The following FRMD4A variants were observed in gnomAD, a reference collection of about 807,000 sequenced individuals.
FRMD4A encodes FERM domain-containing protein 4A.
A neutral mutation model predicts 129.1 loss-of-function variants in FRMD4A; 29 were observed. The observed-to-expected ratio is 0.22, with a 90% confidence interval of 0.17 to 0.31. FRMD4A has a LOEUF of 0.31. Among genes scored for constraint, FRMD4A ranks in the 10% least tolerant of loss-of-function variants. FRMD4A has a pLI of 1.00. For missense variants in FRMD4A, 1,272 were observed against 1,375.8 expected (o/e 0.92, Z 1.19); for synonymous variants, 634 against 571.6 (o/e 1.11, Z -1.56).
At chr10:14,112,642 C>T (rs547484580) in intron 2 of FRMD4A, among the ~76,000 whole-genome samples, 1 of 152,194 alleles carries the variant, frequency 6.6e-6, no homozygotes, top group East Asian at 1.9e-4. Flanking sequence ...TCTCCTGCCT[C>T]AGCCTCCAGA....
At chr10:13,913,040 C>T (rs1023823723) in intron 2 of FRMD4A, among the ~76,000 whole-genome samples, 3 of 148,676 alleles carry the variant, frequency 2.0e-5, no homozygotes, top group African/African-American at 5.0e-5. Flanking sequence ...ACCATTGCAC[C>T]GTAGCCTGGG....
intron 5 of FRMD4A, among the ~76,000 whole-genome samples, chr10:13,787,950 C>T (rs2092909267): frequency 6.6e-6 from 1 of 152,018 alleles, no homozygotes; most frequent in Non-Finnish European, 1.5e-5. Flanking sequence ...GTTGCATTTC[C>T]TTAACTACCA....
At chr10:13,944,179 G>A (rs2095314862) in intron 2 of FRMD4A, among the ~76,000 whole-genome samples, 1 of 152,188 alleles carries the variant, frequency 6.6e-6, no homozygotes, top group African/African-American at 2.4e-5. Context: ...GGCGAGCCGT[G>A]AGAGAGTGAA....
chr10:14,252,931 C>A (rs1354885020), intron 2 of FRMD4A, among the ~76,000 whole-genome samples: 2 of 152,174 alleles, frequency 1.3e-5, no homozygotes, highest in African/African-American at 2.4e-5. Flanking sequence ...CTTCTCCATT[C>A]ATTCATTCAT....
chr10:13,707,161 G>A, intron 12 of FRMD4A, 48 bp from the exon 13 acceptor site: 1 of 1,076,368 alleles, frequency 9.3e-7, no homozygotes, highest in South Asian at 1.2e-5. Context: ...GCTGGCTCCT[G>A]GGCCATCTTC....
At chr10:13,841,998 T>C (rs1446041224) in intron 3 of FRMD4A, among the ~76,000 whole-genome samples, 2 of 152,196 alleles carry the variant, frequency 1.3e-5, no homozygotes, top group African/African-American at 4.8e-5. Flanking sequence ...ATATTACAAC[T>C]ATCCTTCCTC....
intron 3 of FRMD4A, among the ~76,000 whole-genome samples, chr10:13,858,288 A>C (rs2094241317): frequency 6.6e-6 from 1 of 152,176 alleles, no homozygotes; most frequent in Non-Finnish European, 1.5e-5. Flanking sequence ...ATAAAAAATT[A>C]GCCAGGAATG....
intron 2 of FRMD4A, among the ~76,000 whole-genome samples, chr10:13,911,819 C>T (rs2094944120): frequency 1.3e-5 from 2 of 152,104 alleles, no homozygotes; most frequent in South Asian, 4.1e-4. Context: ...GCCTCGGCCT[C>T]CCAAACCGCT....
Position 13,883,148 on chromosome 10 carries a change from C to T in FRMD4A, c.46-24236G>A, listed in dbSNP as rs145979701. Among the ~76,000 whole-genome samples the T allele has an allele frequency of 5.2e-3, 792 of 152,128 alleles. 7 individuals are homozygous for T. Among genetic ancestry groups the T allele is most frequent in the African/African-American group, 0.018 (728 of 41,478 alleles). ...TTGAGTTTTGTCAGTTCTCTAGGAG[C>T]GTGGTCAGTTTCATTGGCAAGAAGC... is the stretch of plus-strand genomic sequence containing the variant. On this transcript the variant is annotated intron_variant, in intron 2 of 24. Transcript: ENST00000357447.
chr10:14,044,250 G>A (rs1369037634), intron 2 of FRMD4A, among the ~76,000 whole-genome samples: 3 of 152,102 alleles, frequency 2.0e-5, no homozygotes, highest in African/African-American at 7.2e-5. Flanking sequence ...TGTTACTGTT[G>A]TTTGAGCTCT....
At chr10:14,124,828 A>G (rs1411255818) in intron 2 of FRMD4A, among the ~76,000 whole-genome samples, 1 of 152,118 alleles carries the variant, frequency 6.6e-6, no homozygotes, top group African/African-American at 2.4e-5. Context: ...TCCTGGCCTC[A>G]TTTTTCTCAC....
chr10:13,873,714 T>C (rs969624095), intron 2 of FRMD4A, among the ~76,000 whole-genome samples: 2 of 151,890 alleles, frequency 1.3e-5, no homozygotes, highest in African/African-American at 4.8e-5. Flanking sequence ...GCCCCACTAA[T>C]TTTTGTATTT....
chr10:13,748,527 A>G (rs1248477730), intron 8 of FRMD4A, among the ~76,000 whole-genome samples: 2 of 152,080 alleles, frequency 1.3e-5, no homozygotes, highest in Non-Finnish European at 2.9e-5. Context: ...TCATGTCAAC[A>G]CTCAAAAAGT....
At chr10:13,990,080 C>G (rs954934967) in intron 2 of FRMD4A, among the ~76,000 whole-genome samples, 2 of 152,182 alleles carry the variant, frequency 1.3e-5, no homozygotes, top group African/African-American at 2.4e-5. Context: ...CCACTGCTGG[C>G]TGCGTAACCC....
At chr10:13,798,855 G>T (rs188662059) in intron 4 of FRMD4A, among the ~76,000 whole-genome samples, 9 of 152,340 alleles carry the variant, frequency 5.9e-5, no homozygotes, top group Non-Finnish European at 2.9e-5. Context: ...TGTCATCTCT[G>T]CCCATGCCTG....
intron 9 of FRMD4A, among the ~76,000 whole-genome samples, chr10:13,743,258 CT>C (rs1279840443): frequency 2.6e-5 from 4 of 152,156 alleles, no homozygotes; most frequent in Non-Finnish European, 4.4e-5. Flanking sequence ...GAAAAGCATG[CT>C]CCCCAAGGGC....
At chr10:14,315,384 T>C (rs1026901621) in intron 2 of FRMD4A, among the ~76,000 whole-genome samples, 1 of 152,218 alleles carries the variant, frequency 6.6e-6, no homozygotes, top group Admixed American at 6.5e-5. Context: ...ATTTCTTCTG[T>C]GATCTCCACC....
chr10:13,882,078 C>G (rs2094553868), intron 2 of FRMD4A, among the ~76,000 whole-genome samples: 2 of 150,696 alleles, frequency 1.3e-5, no homozygotes, highest in Admixed American at 6.6e-5. Flanking sequence ...AAATAAGAAG[C>G]CTCTAGATTG....
chr10:14,196,593 C>T (rs2131932279), intron 2 of FRMD4A, among the ~76,000 whole-genome samples: 1 of 152,300 alleles, frequency 6.6e-6, no homozygotes, highest in East Asian at 1.9e-4. Context: ...ATACTTTCTA[C>T]ATAATTCCTA....
Sources: allele counts gnomAD v4.1 joint callset (sites outside exome capture counted in the v4.1 genomes callset), GRCh38; gene constraint gnomAD v4.1.1; transcripts MANE v1.5; gene names NCBI Gene and HGNC (gene_info 2026-07-23, HGNC 2026-07-21).